Variants in DCLK1 observed in about 807,000 individuals in gnomAD.
DCLK1 encodes the protein serine/threonine-protein kinase DCLK1.
DCLK1 carries 16 observed loss-of-function variants against 86.2 expected under a neutral mutation model. That is an observed-to-expected ratio of 0.19 (90% confidence interval 0.13 to 0.28). DCLK1 has a LOEUF of 0.28. DCLK1 is among the 10% of genes least tolerant of loss of function. The probability of loss-of-function intolerance (pLI) is 1.00; values close to 1 mark genes in which losing one functional copy is unlikely to be tolerated. For missense variants in DCLK1, 590 were observed against 940.2 expected (o/e 0.63, Z 4.87); for synonymous variants, 369 against 370.5 (o/e 1.00, Z 0.05).
At chr13:36,023,901 C>CTTTTTTTTTTTTTTTTT (rs59071937) in intron 3 of DCLK1, among the ~76,000 whole-genome samples, 1 of 128,534 alleles carries the variant, frequency 7.8e-6, no homozygotes, top group Non-Finnish European at 1.6e-5. Context: ...TTCTTTCTTT[C>CTTTTTTTTTTTTTTTTT]TTTTTTTTTT....
intron 3 of DCLK1, among the ~76,000 whole-genome samples, chr13:35,988,846 C>T (rs7999672): frequency 6.6e-6 from 1 of 151,916 alleles, no homozygotes; most frequent in Non-Finnish European, 1.5e-5. Context: ...TATTCATTTG[C>T]AGTAAGGAAA....
At chr13:36,107,413 G>A (rs1003919834) in intron 3 of DCLK1, among the ~76,000 whole-genome samples, 2 of 142,952 alleles carry the variant, frequency 1.4e-5, no homozygotes, top group African/African-American at 2.7e-5. Flanking sequence ...GCGCGATCTC[G>A]ACTCACTAGC....
intron 5 of DCLK1, among the ~76,000 whole-genome samples, chr13:35,860,319 T>A (rs60956965): frequency 7.1e-6 from 1 of 141,306 alleles, no homozygotes; most frequent in African/African-American, 2.9e-5. Flanking sequence ...ATGCAGGGGG[T>A]GGGGGGTGCA....
At chr13:35,833,842 C>G (rs1274237814) in intron 8 of DCLK1, among the ~76,000 whole-genome samples, 1 of 152,164 alleles carries the variant, frequency 6.6e-6, no homozygotes, top group Non-Finnish European at 1.5e-5. Context: ...CATATGTCCT[C>G]GTTCAGCAGG....
In DCLK1 at chr13:35,951,906, C is replaced by T. The variant is rs545703461; in HGVS notation, c.724-4449G>A. ...CAGTCAGAGCAAAGGCAGTGTCTCG[C>T]GTTAGGTGCCATTTCTTTTGGCACC... On this transcript the variant is annotated intron_variant, in intron 3 of 16. Transcript: ENST00000360631. Among the ~76,000 whole-genome samples the T allele has an allele frequency of 2.6e-5, 4 of 152,208 alleles. No individual in the cohort carries two copies. The South Asian group carries it at 6.2e-4, about 24-fold the overall frequency.
At chr13:35,976,616 C>T (rs1013671852) in intron 3 of DCLK1, among the ~76,000 whole-genome samples, 7 of 148,174 alleles carry the variant, frequency 4.7e-5, no homozygotes, top group Admixed American at 3.5e-4. Flanking sequence ...CTGCAAGCTC[C>T]GCCTCCCGGG....
intron 3 of DCLK1, among the ~76,000 whole-genome samples, chr13:36,083,853 A>G (rs552171400): frequency 1.3e-5 from 2 of 152,344 alleles, no homozygotes; most frequent in African/African-American, 4.8e-5. Flanking sequence ...GAAACATTCT[A>G]TTAAACACAG....
chr13:35,832,420 A>C (rs1479623796), intron 8 of DCLK1, among the ~76,000 whole-genome samples: 1 of 152,222 alleles, frequency 6.6e-6, no homozygotes, highest in Non-Finnish European at 1.5e-5. Flanking sequence ...TATATGGAGA[A>C]GGAAAAGCAG....
At chr13:35,874,475 C>T (rs1872480936) in intron 4 of DCLK1, among the ~76,000 whole-genome samples, 1 of 152,026 alleles carries the variant, frequency 6.6e-6, no homozygotes, top group Non-Finnish European at 1.5e-5. Context: ...TTTCTTCTTC[C>T]TCCACTTGTT....
chr13:35,998,606 C>G (rs1320594109), intron 3 of DCLK1, among the ~76,000 whole-genome samples: 1 of 152,180 alleles, frequency 6.6e-6, no homozygotes, highest in Non-Finnish European at 1.5e-5. Flanking sequence ...ATTCTTCCCT[C>G]TCTCCTTATC....
chr13:35,873,455 G>A (rs1872414132), intron 4 of DCLK1, among the ~76,000 whole-genome samples: 1 of 151,576 alleles, frequency 6.6e-6, no homozygotes, highest in South Asian at 2.1e-4. Context: ...CGTGATCTCG[G>A]GTCACTGCAA....
At chr13:36,041,408 C>T (rs191363845) in intron 3 of DCLK1, among the ~76,000 whole-genome samples, 126 of 152,264 alleles carry the variant, frequency 8.3e-4, no homozygotes, top group Non-Finnish European at 1.2e-4. Context: ...TGTACTCCTA[C>T]GGGAAACAAC....
chr13:36,129,721 C>T (rs900993215), intron 1 of DCLK1, among the ~76,000 whole-genome samples: 1 of 152,228 alleles, frequency 6.6e-6, no homozygotes, highest in Non-Finnish European at 1.5e-5. Context: ...GGCCTGAGTG[C>T]ACATGTGCAG....
rs760195385 is a variant in DCLK1 at position 35,887,878 on chromosome 13, C to CA, written c.824-16539dup. Reference sequence around the variant, plus strand: ...TGGACAGCATAGTAAGATCTTGTCTCAAAAAAAAAAAAAAAAAAAAAAAAA... The same window carrying CA: ...TGGACAGCATAGTAAGATCTTGTCTCAAAAAAAAAAAAAAAAAAAAAAAAAA... On this transcript the variant is annotated intron_variant, in intron 4 of 16. Coordinates refer to ENST00000360631, the MANE Select transcript of DCLK1 (RefSeq NM_001330071.2). 9.4e-3 allele frequency among the ~76,000 whole-genome samples: 366 copies of CA among 38,734 alleles called. 46 individuals carry two copies. The highest frequency in any genetic ancestry group is 0.011 in the African/African-American group (140 of 12,452). The allele number at this position is 38,734 out of a possible 152,430, so 25.4% of individuals were successfully genotyped here. A position where few individuals can be genotyped will look rare whatever the true frequency, so the allele number is the denominator to read the frequency against.
At chr13:35,797,791 C>T (rs2086842087) in intron 15 of DCLK1, among the ~76,000 whole-genome samples, 1 of 152,066 alleles carries the variant, frequency 6.6e-6, no homozygotes, top group Non-Finnish European at 1.5e-5. Flanking sequence ...CTAATCTGTA[C>T]CTGCGCCATA....
chr13:36,126,701 C>T (rs1261865214), intron 1 of DCLK1, among the ~76,000 whole-genome samples: 1 of 152,184 alleles, frequency 6.6e-6, no homozygotes, highest in Non-Finnish European at 1.5e-5. Flanking sequence ...ACAGGCTCCT[C>T]TGCACGCTGT....
intron 3 of DCLK1, among the ~76,000 whole-genome samples, chr13:35,950,498 T>C (rs1164184502): frequency 6.6e-6 from 1 of 152,222 alleles, no homozygotes; most frequent in Non-Finnish European, 1.5e-5. Context: ...ATTTTATTTA[T>C]CTATGCAGTG....
chr13:35,842,228 C>CAAAAA (rs35862851), intron 6 of DCLK1, among the ~76,000 whole-genome samples: 6 of 35,108 alleles, frequency 1.7e-4, no homozygotes, highest in African/African-American at 4.6e-4. Context: ...GACTCCATCT[C>CAAAAA]AAAAAAAAAA....
At chr13:35,840,247 A>G (rs968483113) in intron 6 of DCLK1, among the ~76,000 whole-genome samples, 3 of 152,222 alleles carry the variant, frequency 2.0e-5, no homozygotes, top group Non-Finnish European at 2.9e-5. Flanking sequence ...GCCTTAAAGT[A>G]TGTACAAAGT....
Sources: allele counts gnomAD v4.1 joint callset (sites outside exome capture counted in the v4.1 genomes callset), GRCh38; gene constraint gnomAD v4.1.1; transcripts MANE v1.5; gene names NCBI Gene and HGNC (gene_info 2026-07-23, HGNC 2026-07-21).